Variants in ESPNL observed in about 807,000 individuals in gnomAD.
The protein encoded by ESPNL is espin like, also known as espin-like protein.
A neutral mutation model predicts 46.8 loss-of-function variants in ESPNL; 49 were observed. The observed-to-expected ratio is 1.05, with a 90% CI of 0.83 to 1.33. The LOEUF is 1.33. Ranked by LOEUF, ESPNL falls within the 40% of genes most tolerant of loss-of-function variation. The probability of loss-of-function intolerance (pLI) is 0.00; values close to 1 mark genes in which losing one functional copy is unlikely to be tolerated. For synonymous variants in ESPNL, 664 were observed against 662.1 expected (o/e 1.00, Z -0.04); for missense variants, 1,540 against 1,436.6 (o/e 1.07, Z -1.16).
At chr2:238,128,982 C>T (rs966008961) in intron 8 of ESPNL, 78 bp downstream of exon 8, 40 of 1,484,632 alleles carry the variant, frequency 2.7e-5, no homozygotes, top group Admixed American at 8.6e-5. Flanking sequence ...GTCAGGGCGC[C>T]CGAAGCCCAG....
At chr2:238,123,524 A>G (rs528797497) in intron 5 of ESPNL, among the ~76,000 whole-genome samples, 1 of 152,174 alleles carries the variant, frequency 6.6e-6, no homozygotes, top group Admixed American at 6.5e-5. Context: ...TCCATCTCCC[A>G]GAGCATCCCC....
chr2:238,117,207 G>A (rs2106470526), intron 5 of ESPNL, among the ~76,000 whole-genome samples, 173 bp downstream of exon 5: 1 of 152,360 alleles, frequency 6.6e-6, no homozygotes, highest in East Asian at 1.9e-4. Context: ...GCGCCACAGG[G>A]CAGCCAGTGC....
At chr2:238,125,908 T>C (rs901234562) in intron 6 of ESPNL, among the ~76,000 whole-genome samples, 3 of 152,222 alleles carry the variant, frequency 2.0e-5, no homozygotes, top group African/African-American at 7.2e-5. Flanking sequence ...TGCTTCTGTG[T>C]GTGATTGTGT....
intron 6 of ESPNL, among the ~76,000 whole-genome samples, chr2:238,126,625 G>A (rs539704029): frequency 6.7e-6 from 1 of 149,390 alleles, no homozygotes; most frequent in Non-Finnish European, 1.5e-5. Context: ...CCGTGTCTGT[G>A]TGTCTGTTCT....
Position 238,130,544 on chromosome 2 carries a change from G to C in ESPNL, c.1830G>C (p.Val610=), listed in dbSNP as rs1302691867. ...VRSLSLLLKG[V]HGLVQGDEKP... ...GCCTGTCCCTGCTGCTGAAGGGCGT[G>C]CATGGGCTAGTACAGGGGGATGAGA... Residue 610 remains valine, a synonymous_variant, in exon 9 of 9, where the codon GTG becomes GTC. Transcript: ENST00000343063. 6.3e-7 allele frequency: 1 copy of C among 1,589,930 alleles called. No individual in the cohort carries two copies. The highest frequency in any genetic ancestry group is 8.6e-7 in the Non-Finnish European group (1 of 1,168,752).
At chr2:238,129,297 T>C in intron 8 of ESPNL, 1 of 1,069,112 alleles carries the variant, frequency 9.4e-7, no homozygotes, top group Non-Finnish European at 1.1e-6. Flanking sequence ...TGGGGGACTA[T>C]GATATATGGG....
chr2:238,130,328 G>A lies in ESPNL; in HGVS notation c.1614G>A (p.Gln538=), dbSNP rs376581406. 6.2e-7 allele frequency: 1 copy of A among 1,607,772 alleles called. No homozygotes were observed. Among genetic ancestry groups the A allele is most frequent in the South Asian group, 1.1e-5 (1 of 90,342 alleles). The stretch of plus-strand genomic sequence containing the variant: ...TGGGCCGGTTGGCGGCTGAGCTGCA[G>A]GCCCTGCTGCCCGAGCCCCTGGTCA... The part of the protein sequence containing the change: ...SELGRLAAEL[Q]ALLPEPLVSI... Residue 538 remains glutamine (Q), a synonymous_variant, in exon 9 of 9, where the codon CAG becomes CAA. Coordinates refer to ENST00000343063, the MANE Select transcript of ESPNL (RefSeq NM_194312.4).
rs1017409765 is a variant in ESPNL, at chr2:238,100,649, C to G, written c.230C>G (p.Ala77Gly). 2.6e-5 allele frequency: 37 copies of G among 1,448,866 alleles called. No individual in the cohort carries two copies. Among genetic ancestry groups the G allele is most frequent in the Non-Finnish European group, 3.3e-5 (37 of 1,108,016 alleles). 89.8% of individuals were successfully genotyped at this position (1,448,866 alleles called of 1,614,324 possible). ...AACGGGGCCACCCCAGCGCATGACGCCGCTGCCACGGGCAGCCTGGCCGAG... is the reference window on the plus strand; with the variant it reads ...AACGGGGCCACCCCAGCGCATGACGGCGCTGCCACGGGCAGCCTGGCCGAG... Reference protein sequence around the residue: ...AHNGATPAHDAAATGSLAELC... With the variant: ...AHNGATPAHDGAATGSLAELC... The change falls in exon 1 of 9, where the codon GCC becomes GGC. Residue 77 changes from alanine (A) to glycine (G), a missense_variant. Ala to Gly is a moderately conservative substitution (Grantham distance 60). Coordinates refer to ENST00000343063, the MANE Select transcript of ESPNL (RefSeq NM_194312.4).
At chr2:238,125,940 C>T (rs923285270) in intron 6 of ESPNL, among the ~76,000 whole-genome samples, 6 of 151,580 alleles carry the variant, frequency 4.0e-5, no homozygotes, top group African/African-American at 1.5e-4. Context: ...GTGTGTGATA[C>T]ACATAGATAC....
At position 238,128,909 on chromosome 2, in the gene ESPNL, GC is replaced by G. The variant is rs990088528; in HGVS notation, c.1413+10del. On this transcript the variant is annotated splice_donor_region_variant and intron_variant, in intron 8 of 8. Transcript: ENST00000343063. Reference sequence around the variant, plus strand: ...GAGAGCTCCGCAGAGGCCCAGGTAGGCCCCCGGCAGGGGCGGGACCAGTGGG... The same window carrying G: ...GAGAGCTCCGCAGAGGCCCAGGTAGGCCCCGGCAGGGGCGGGACCAGTGGG... The G allele has an allele frequency of 1.3e-6, 2 of 1,535,266 alleles. No individual in the cohort carries two copies. Among genetic ancestry groups the G allele is most frequent in the South Asian group, 1.2e-5 (1 of 83,782 alleles).
At chr2:238,115,004 C>G (rs59388041) in intron 4 of ESPNL, among the ~76,000 whole-genome samples, 288 of 152,350 alleles carry the variant, frequency 1.9e-3, no homozygotes, top group African/African-American at 6.7e-3. Context: ...TCATCATCCT[C>G]AGGCAGTGAC....
At position 238,131,562 on chromosome 2, in the gene ESPNL, C is replaced by T; in HGVS notation, c.2848C>T (p.Pro950Ser). 1.9e-6 allele frequency: 3 copies of T among 1,610,980 alleles called. No individual in the cohort carries two copies. The highest frequency in any genetic ancestry group is 2.5e-6 in the Non-Finnish European group (3 of 1,178,916). Residue 950 changes from proline (P) to serine (S), a missense_variant, in exon 9 of 9, where the codon CCC (proline) becomes TCC (serine). Coordinates refer to ENST00000343063, the MANE Select transcript of ESPNL (RefSeq NM_194312.4). ...GRKSGLTLLG[P>S]LPHAAVPCSG... is the part of the protein sequence containing the mutation. ...CAAGTCAGGTCTGACCCTGCTCGGGCCCCTGCCTCACGCCGCCGTCCCCTG... is the reference window on the plus strand; with the variant it reads ...CAAGTCAGGTCTGACCCTGCTCGGGTCCCTGCCTCACGCCGCCGTCCCCTG...
chr2:238,125,995 CTG>C (rs903563017), intron 6 of ESPNL, among the ~76,000 whole-genome samples: 1 of 149,604 alleles, frequency 6.7e-6, no homozygotes, highest in East Asian at 2.0e-4. Context: ...GTGATTGTGT[CTG>C]TGTGTATCTG....
rs766820008 is a variant in ESPNL, at chr2:238,101,957, G to A, written c.311G>A (p.Gly104Asp). 2.5e-6 allele frequency: 4 copies of A among 1,608,922 alleles called. No individual in the cohort carries two copies. In the East Asian group the frequency reaches 8.9e-5, roughly 36 times the overall value. ...GCGLQDQDAS[G>D]VSPLHLAARF... Reference sequence around the variant, plus strand: ...GCTTGGTAGGACCAAGATGCCTCGGGCGTCTCCCCGCTGCACCTGGCCGCC... The same window carrying A: ...GCTTGGTAGGACCAAGATGCCTCGGACGTCTCCCCGCTGCACCTGGCCGCC... Residue 104 changes from glycine (G) to aspartate (D), a missense_variant, in exon 2 of 9, where the codon GGC becomes GAC. Physicochemically the swap from Gly to Asp is moderately conservative, Grantham distance 94. Transcript: ENST00000343063.
rs1317334042 is a variant in ESPNL, at chr2:238,107,979, G to A, written c.855+6G>A. The A allele has an allele frequency of 1.9e-6, 3 of 1,606,802 alleles. No homozygotes were observed. Among genetic ancestry groups the A allele is most frequent in the African/African-American group, 1.3e-5 (1 of 74,856 alleles). On this transcript the variant is annotated splice_donor_region_variant and intron_variant, in intron 4 of 8. Coordinates refer to ENST00000343063, the MANE Select transcript of ESPNL (RefSeq NM_194312.4). ...CAGAGAACGGGCAGATGGAGGTAAG[G>A]TGGGCGTGAGGGAGACAGGGTGAGC...
chr2:238,129,355 G>C, intron 8 of ESPNL: 2 of 632,510 alleles, frequency 3.2e-6, no homozygotes, highest in South Asian at 1.4e-4. Context: ...AGGGGCCAGA[G>C]GGAAGAGAGG....
intron 2 of ESPNL, among the ~76,000 whole-genome samples, chr2:238,103,650 A>C (rs1424167356): frequency 2.6e-5 from 4 of 151,998 alleles, no homozygotes; most frequent in Non-Finnish European, 5.9e-5. Flanking sequence ...GCTGGACACC[A>C]CCTGTTCCAA....
rs1449045939 is a variant in ESPNL at position 238,128,812 on chromosome 2, G to C, written c.1321G>C (p.Glu441Gln). The C allele has an allele frequency of 6.4e-7, 1 of 1,553,964 alleles. No homozygotes were observed. The highest frequency in any genetic ancestry group is 8.7e-7 in the Non-Finnish European group (1 of 1,149,478). Reference protein sequence around the residue: ...DIDGLVPTRDERGQPIPEWKR... With the variant: ...DIDGLVPTRDQRGQPIPEWKR... Reference sequence around the variant, plus strand: ...CGACGGGCTGGTGCCCACGCGGGATGAGCGCGGCCAGCCCATCCCAGAGTG... The same window carrying C: ...CGACGGGCTGGTGCCCACGCGGGATCAGCGCGGCCAGCCCATCCCAGAGTG... Residue 441 changes from glutamate to glutamine, a missense_variant, in exon 8 of 9, where the codon GAG becomes CAG. Coordinates refer to ENST00000343063, the MANE Select transcript of ESPNL (RefSeq NM_194312.4).
chr2:238,130,101 T>C (rs756227973), intron 8 of ESPNL, 27 bp from the exon 9 acceptor site: 4 of 1,591,634 alleles, frequency 2.5e-6, no homozygotes, highest in African/African-American at 2.7e-5. Flanking sequence ...GGGCTCACCC[T>C]GCTCACCCTG....
Sources: allele counts gnomAD v4.1 joint callset (sites outside exome capture counted in the v4.1 genomes callset), GRCh38; gene constraint gnomAD v4.1.1; transcripts MANE v1.5; gene names NCBI Gene and HGNC (gene_info 2026-07-23, HGNC 2026-07-21).